BRINP2: variants seen among roughly 807,000 people sequenced by gnomAD.
The protein encoded by BRINP2 is BMP/retinoic acid-inducible neural-specific protein 2.
BRINP2 carries 21 observed loss-of-function variants against 69.2 expected under a neutral mutation model. That is an observed-to-expected ratio of 0.30 (90% CI 0.22 to 0.44). BRINP2 has a LOEUF of 0.44. Ranked by LOEUF, BRINP2 falls within the 20% of genes least tolerant of loss-of-function variation. BRINP2 has a pLI of 1.00. For synonymous variants in BRINP2, 380 were observed against 394.1 expected, an observed-to-expected ratio of 0.96 and a Z score of 0.42; for missense variants, 877 against 986.0, an observed-to-expected ratio of 0.89 and a Z score of 1.48.
chr1:177,181,319 C>T (rs1278820601), intron 1 of BRINP2, among the ~76,000 whole-genome samples: 1 of 152,126 alleles, frequency 6.6e-6, no homozygotes, highest in African/African-American at 2.4e-5. Flanking sequence ...ATTAGGGTAC[C>T]CAGGTCTCCC....
chr1:177,225,141 G>A (rs917112017), intron 1 of BRINP2, among the ~76,000 whole-genome samples: 8 of 152,164 alleles, frequency 5.3e-5, no homozygotes, highest in African/African-American at 1.9e-4. Context: ...GTAGAGACAC[G>A]ATTCCTATAA....
chr1:177,236,738 T>C (rs543807211), intron 2 of BRINP2, among the ~76,000 whole-genome samples: 1 of 152,048 alleles, frequency 6.6e-6, no homozygotes, highest in East Asian at 1.9e-4. Context: ...AGGAGCAGTG[T>C]AACCAAAGTC....
intron 4 of BRINP2, among the ~76,000 whole-genome samples, chr1:177,266,405 T>C (rs532088691): frequency 6.6e-6 from 1 of 152,206 alleles, no homozygotes; most frequent in Admixed American, 6.5e-5. Context: ...GCTGTTTGCT[T>C]TACTTGTAAT....
chr1:177,278,442 G>A (rs1412202225), intron 6 of BRINP2, 121 bp from the exon 7 acceptor site: 1 of 857,286 alleles, frequency 1.2e-6, no homozygotes, highest in Admixed American at 2.0e-5. Context: ...GGAAATGGGT[G>A]TGCAGCCTCC....
chr1:177,204,384 C>G (rs924073210), intron 1 of BRINP2, among the ~76,000 whole-genome samples: 2 of 151,584 alleles, frequency 1.3e-5, no homozygotes, highest in Non-Finnish European at 2.9e-5. Context: ...GTAAAGTATA[C>G]AGCAAGAGAG....
rs1486261269 is a variant in BRINP2, at chr1:177,278,751, C to T, written c.1201C>T (p.His401Tyr). 2 of 1,614,144 alleles carry T rather than the reference C, an allele frequency of 1.2e-6. No homozygotes were observed. Among genetic ancestry groups the T allele is most frequent in the Non-Finnish European group, 1.7e-6 (2 of 1,180,038 alleles). Residue 401 changes from histidine (H) to tyrosine (Y), a missense_variant, in exon 7 of 8, where the codon CAT becomes TAT. Coordinates refer to ENST00000361539, the MANE Select transcript of BRINP2 (RefSeq NM_021165.4). Reference protein sequence around the residue: ...RRLFNLCKRCHRQPRFRLPKE... With the variant: ...RRLFNLCKRCYRQPRFRLPKE... ...GCTCTTCAACCTCTGCAAGCGCTGC[C>T]ATCGCCAGCCTCGCTTCCGCCTGCC...
At chr1:177,192,095 G>A (rs1267125034) in intron 1 of BRINP2, among the ~76,000 whole-genome samples, 1 of 152,164 alleles carries the variant, frequency 6.6e-6, no homozygotes, top group Non-Finnish European at 1.5e-5. Flanking sequence ...CTTTAAGTGT[G>A]GGATTCATGT....
At chr1:177,172,677 G>A (rs567244370) in intron 1 of BRINP2, among the ~76,000 whole-genome samples, 1 of 152,272 alleles carries the variant, frequency 6.6e-6, no homozygotes, top group Middle Eastern at 3.4e-3. Context: ...TAAGCCAAAT[G>A]TTAACCAATG....
intron 1 of BRINP2, among the ~76,000 whole-genome samples, chr1:177,172,408 T>C (rs569860129): frequency 6.6e-6 from 1 of 152,332 alleles, no homozygotes; most frequent in South Asian, 2.1e-4. Flanking sequence ...TCTCTGTTTT[T>C]GTGATCATCT....
At position 177,208,713 on chromosome 1, in the gene BRINP2, A is replaced by G. The variant is rs866311654; in HGVS notation, c.-76-21088A>G. 1.4e-4 allele frequency among the ~76,000 whole-genome samples: 22 copies of G among 152,206 alleles called. No homozygotes were observed. The Middle Eastern group carries it at 0.017, about 118-fold the overall frequency. On this transcript the variant is annotated intron_variant, in intron 1 of 7. Transcript: ENST00000361539. ...AAGATTTGATTTTAACACAGTTATC[A>G]CAGTAAGTGCTGAAAAGGAAGGTGT...
intron 1 of BRINP2, among the ~76,000 whole-genome samples, chr1:177,179,438 G>T (rs982696961): frequency 6.6e-6 from 1 of 152,102 alleles, no homozygotes; most frequent in African/African-American, 2.4e-5. Context: ...TGGCCTTGGG[G>T]TACAGCAAAT....
At chr1:177,203,174 G>A (rs997513654) in intron 1 of BRINP2, among the ~76,000 whole-genome samples, 1 of 152,184 alleles carries the variant, frequency 6.6e-6, no homozygotes, top group South Asian at 2.1e-4. Context: ...CATGTCCTTT[G>A]TAGGGACGTG....
chr1:177,270,318 G>A (rs909837359), intron 4 of BRINP2, among the ~76,000 whole-genome samples: 3 of 152,122 alleles, frequency 2.0e-5, no homozygotes, highest in African/African-American at 7.2e-5. Flanking sequence ...TGAGCATGAG[G>A]ATCATGGTCT....
intron 1 of BRINP2, among the ~76,000 whole-genome samples, chr1:177,174,793 T>A (rs546578670): frequency 6.6e-6 from 1 of 152,338 alleles, no homozygotes; most frequent in South Asian, 2.1e-4. Context: ...TTTAAACATA[T>A]ATTGGTCTAC....
At chr1:177,254,476 G>T (rs866332617) in intron 2 of BRINP2, among the ~76,000 whole-genome samples, 10 of 151,886 alleles carry the variant, frequency 6.6e-5, no homozygotes, top group African/African-American at 2.4e-4. Context: ...TGACCCTTGG[G>T]TACATGTGTT....
chr1:177,257,193 A>G lies in BRINP2; in HGVS notation c.478A>G (p.Ile160Val), dbSNP rs1650792933. The G allele has an allele frequency of 6.2e-7, 1 of 1,613,902 alleles. No individual in the cohort carries two copies. The highest frequency in any genetic ancestry group is 1.3e-5 in the African/African-American group (1 of 74,874). Residue 160 changes from isoleucine (I) to valine (V), a missense_variant, in exon 4 of 8, where the codon ATT becomes GTT. By Grantham distance (29) the Ile-to-Val change is conservative. This residue lies in a region of BRINP2 where 566 missense variants were observed against 625.2 expected (regional missense o/e 0.91). Transcript: ENST00000361539. ...CACCATAGGAGAAGAGTCCCTGACC[A>G]TTTTTGTGGACAAGCAGAAACTGGG... The part of the protein sequence containing the change: ...ATLGGEESLT[I>V]FVDKQKLGRK...
At chr1:177,189,250 G>T (rs1241464566) in intron 1 of BRINP2, among the ~76,000 whole-genome samples, 1 of 152,094 alleles carries the variant, frequency 6.6e-6, no homozygotes, top group Non-Finnish European at 1.5e-5. Context: ...AAAAAAAAAG[G>T]TACTTTGGAT....
chr1:177,181,243 G>A (rs1218718807), intron 1 of BRINP2, among the ~76,000 whole-genome samples: 1 of 152,216 alleles, frequency 6.6e-6, no homozygotes, highest in African/African-American at 2.4e-5. Flanking sequence ...AGGAACAAGT[G>A]CCTTGCTCAA....
chr1:177,247,387 T>C (rs1348591277), intron 2 of BRINP2, among the ~76,000 whole-genome samples: 3 of 152,254 alleles, frequency 2.0e-5, no homozygotes, highest in East Asian at 3.9e-4. Context: ...TGTGAGAAAA[T>C]TTCCCATGGG....
Sources: allele counts gnomAD v4.1 joint callset (sites outside exome capture counted in the v4.1 genomes callset), GRCh38; gene constraint gnomAD v4.1.1; regional missense constraint gnomAD v4.1.1; transcripts MANE v1.5; gene names NCBI Gene and HGNC (gene_info 2026-07-23, HGNC 2026-07-21).